The following UBN2 variants were observed in gnomAD, a reference collection of about 807,000 sequenced individuals.
UBN2 encodes ubinuclein 2.
UBN2 carries 35 observed loss-of-function variants against 120.2 expected under a neutral mutation model. The ratio of observed to expected loss-of-function variants is 0.29; its 90% CI spans 0.22 to 0.39. The LOEUF is 0.39. UBN2 is among the 10% of genes least tolerant of loss of function. The pLI, the probability that UBN2 is intolerant of heterozygous loss-of-function variation, is 1.00. For missense variants in UBN2, 1,693 were observed against 1,663.2 expected (o/e 1.02, Z -0.31); for synonymous variants, 661 against 648.7 (o/e 1.02, Z -0.29).
In UBN2 at chr7:139,283,770, C is replaced by G. The variant is rs200725403; in HGVS notation, c.2865C>G (p.Val955=). 2 of 1,613,868 alleles carry G rather than the reference C, an allele frequency of 1.2e-6. No individual in the cohort carries two copies. Among genetic ancestry groups the G allele is most frequent in the Admixed American group, 3.3e-5 (2 of 60,012 alleles). Residue 955 remains valine, a synonymous_variant, in exon 15 of 18, where the codon GTC becomes GTG. Transcript: ENST00000473989. ...ATISKSQTNP[V]VKLSNNPQLS... The stretch of plus-strand genomic sequence containing the variant: ...TCAGTAAATCCCAGACCAACCCCGT[C>G]GTGAAGTTAAGTAATAATCCCCAAC...
intron 7 of UBN2, among the ~76,000 whole-genome samples, 167 bp downstream of exon 7, chr7:139,266,570 A>T (rs567736170): frequency 1.3e-5 from 2 of 152,264 alleles, no homozygotes; most frequent in South Asian, 4.1e-4. Context: ...ATCTTTCTGT[A>T]TATATTGGTT....
At chr7:139,260,422 T>C (rs1269909042) in intron 5 of UBN2, among the ~76,000 whole-genome samples, 1 of 152,194 alleles carries the variant, frequency 6.6e-6, no homozygotes, top group Non-Finnish European at 1.5e-5. Flanking sequence ...ATTAATGATA[T>C]TGCTGCTAAA....
the UBN2 span, among the ~76,000 whole-genome samples, chr7:139,321,329 G>A: frequency 1.3e-5 from 2 of 152,340 alleles, no homozygotes; most frequent in South Asian, 4.1e-4. Flanking sequence ...GCAGGAGGGG[G>A]TGGGTGCCCC....
At chr7:139,280,692 C>CTGGA (rs1178539045) in intron 13 of UBN2, among the ~76,000 whole-genome samples, 1 of 152,218 alleles carries the variant, frequency 6.6e-6, no homozygotes, top group African/African-American at 2.4e-5. Context: ...ATCACCCAGG[C>CTGGA]TGGAGTGCAG....
intron 15 of UBN2, among the ~76,000 whole-genome samples, chr7:139,284,977 T>C (rs997021421): frequency 6.6e-6 from 1 of 152,220 alleles, no homozygotes; most frequent in African/African-American, 2.4e-5. Context: ...GCTTAGCTCT[T>C]CCCTTCCCTT....
In UBN2 at chr7:139,266,107, G is replaced by A. The variant is rs1237478416; in HGVS notation, c.1396-226G>A. Among the ~76,000 whole-genome samples, 3 of 136,356 alleles carry A rather than the reference G, an allele frequency of 2.2e-5. No individual in the cohort carries two copies. In the East Asian group the frequency reaches 6.2e-4, roughly 28 times the overall value. 89.5% of individuals were successfully genotyped at this position (136,356 alleles called of 152,430 possible). On this transcript the variant is annotated intron_variant, in intron 6 of 17. Transcript: ENST00000473989. The stretch of plus-strand genomic sequence containing the variant: ...GTTCATCTCAAAGTAATTGTTTATT[G>A]CAGCAGGGCACAGTGGTACATACCT...
At chr7:139,275,610 T>A (rs113727808) in intron 11 of UBN2, among the ~76,000 whole-genome samples, 10 of 151,668 alleles carry the variant, frequency 6.6e-5, no homozygotes, top group African/African-American at 2.4e-4. Context: ...TAAGTAAAAA[T>A]TAATAAACTT....
rs1396333370 is a variant in UBN2, at chr7:139,279,379, T to G, written c.2067+19T>G. ...AGTAAAGGTAAGTACTGAAACAAAA[T>G]ATTTAATTAGTTATAGTTGGTGAAT... On this transcript the variant is annotated intron_variant, in intron 13 of 17. Coordinates refer to ENST00000473989, the MANE Select transcript of UBN2 (RefSeq NM_173569.4). 2 of 1,577,756 alleles carry G rather than the reference T, an allele frequency of 1.3e-6. No homozygotes were observed. Among genetic ancestry groups the G allele is most frequent in the Non-Finnish European group, 8.7e-7 (1 of 1,155,314 alleles).
intron 13 of UBN2, 126 bp downstream of exon 13, chr7:139,279,486 TTCA>T: frequency 3.0e-6 from 2 of 664,732 alleles, no homozygotes; most frequent in South Asian, 4.4e-5. Context: ...TGTTTTCAAC[TTCA>T]TAATAATCTT....
chr7:139,248,440 T>C (rs965167615), intron 2 of UBN2, among the ~76,000 whole-genome samples: 25 of 152,176 alleles, frequency 1.6e-4, no homozygotes, highest in Admixed American at 1.2e-3. Flanking sequence ...TTAAAATCTT[T>C]TCAAAATTTG....
At chr7:139,311,599 C>T (rs1279384227), downstream of UBN2, among the ~76,000 whole-genome samples, 4 of 152,232 alleles carry the variant, frequency 2.6e-5, no homozygotes, top group Non-Finnish European at 5.9e-5. Flanking sequence ...GTGCCTAGCA[C>T]ATAATAAGAG....
chr7:139,283,106 C>G lies in UBN2; in HGVS notation c.2201C>G (p.Ala734Gly). The change falls in exon 15 of 18, where the codon GCT becomes GGT. Residue 734 changes from alanine (A) to glycine (G), a missense_variant. This residue lies in a region of UBN2 where 837 missense variants were observed against 817.6 expected (regional missense o/e 1.02). Transcript: ENST00000473989. Reference sequence around the variant, plus strand: ...GGTCCTCCAACGAGCTCCAGCACAGCTGCCATTGCTGCAGCTAGCTCTAGC... The same window carrying G: ...GGTCCTCCAACGAGCTCCAGCACAGGTGCCATTGCTGCAGCTAGCTCTAGC... ...VSGPPTSSSTAAIAAASSSSA... is the reference protein window; with the variant it reads ...VSGPPTSSSTGAIAAASSSSA... 1 of 1,613,072 alleles carries G rather than the reference C, an allele frequency of 6.2e-7. No individual in the cohort carries two copies. Among genetic ancestry groups the G allele is most frequent in the Non-Finnish European group, 8.5e-7 (1 of 1,179,932 alleles).
intron 2 of UBN2, among the ~76,000 whole-genome samples, chr7:139,249,590 A>G (rs1247518191): frequency 6.6e-6 from 1 of 152,226 alleles, no homozygotes; most frequent in Non-Finnish European, 1.5e-5. Flanking sequence ...CTGAAACCAA[A>G]TGAGATGACT....
intron 15 of UBN2, among the ~76,000 whole-genome samples, chr7:139,288,100 A>G (rs1474820618): frequency 2.6e-5 from 4 of 152,174 alleles, no homozygotes; most frequent in African/African-American, 9.7e-5. Flanking sequence ...TATAATTCCA[A>G]ACATCATTCA....
downstream of UBN2, chr7:139,308,308 G>A (rs555784243): frequency 3.3e-5 from 5 of 152,212 alleles, no homozygotes; most frequent in East Asian, 9.7e-4. Flanking sequence ...GGGAGTATCT[G>A]CTGTCCATAT....
At chr7:139,265,786 A>G (rs906893673) in intron 6 of UBN2, among the ~76,000 whole-genome samples, 1 of 152,196 alleles carries the variant, frequency 6.6e-6, no homozygotes, top group Non-Finnish European at 1.5e-5. Flanking sequence ...GCTGGCAGCC[A>G]CCAGAAGCTG....
At chr7:139,320,481 C>T in the UBN2 span, among the ~76,000 whole-genome samples, 1 of 151,676 alleles carries the variant, frequency 6.6e-6, no homozygotes, top group Non-Finnish European at 1.5e-5. Context: ...CAAAATTTCA[C>T]CCAACACTTT....
At chr7:139,249,895 C>T (rs547404572) in intron 2 of UBN2, among the ~76,000 whole-genome samples, 1 of 152,050 alleles carries the variant, frequency 6.6e-6, no homozygotes, top group African/African-American at 2.4e-5. Flanking sequence ...TGAGACAGGT[C>T]TCACTGTGTT....
chr7:139,288,941 G>A (rs893234534), intron 15 of UBN2, among the ~76,000 whole-genome samples: 1 of 149,696 alleles, frequency 6.7e-6, no homozygotes, highest in African/African-American at 2.5e-5. Context: ...GTTGGAGGTT[G>A]CAGTGAGCCG....
Sources: allele counts gnomAD v4.1 joint callset (sites outside exome capture counted in the v4.1 genomes callset), GRCh38; gene constraint gnomAD v4.1.1; regional missense constraint gnomAD v4.1.1; transcripts MANE v1.5; gene names NCBI Gene and HGNC (gene_info 2026-07-23, HGNC 2026-07-21).